The following LYPD8 variants were observed in gnomAD, a reference collection of about 807,000 sequenced individuals.
The protein encoded by LYPD8 is LY6/PLAUR domain containing 8.
A neutral mutation model predicts 1.7 loss-of-function variants in LYPD8; 8 were observed. The observed-to-expected ratio is 4.58, with a 90% CI of 2.69 to 8.27. The LOEUF is 8.27. Ranked by LOEUF, LYPD8 falls within the 30% of genes most tolerant of loss-of-function variation. The pLI is 0.00. For missense variants in LYPD8, 112 were observed against 102.3 expected (o/e 1.09, Z -0.41); for synonymous variants, 50 against 43.6 (o/e 1.15, Z -0.58).
At chr1:248,752,843 A>AT (rs1572156348) in intron 2 of LYPD8, among the ~76,000 whole-genome samples, 3 of 66,526 alleles carry the variant, frequency 4.5e-5, no homozygotes, top group African/African-American at 1.3e-4. Context: ...CACACCCCAC[A>AT]CACACACACC....
At chr1:248,746,403 G>A (rs1473634126) in intron 5 of LYPD8, among the ~76,000 whole-genome samples, 1 of 152,308 alleles carries the variant, frequency 6.6e-6, no homozygotes, top group African/African-American at 2.4e-5. Flanking sequence ...TGCCCCATTT[G>A]TTTCCTGTGT....
intron 6 of LYPD8, among the ~76,000 whole-genome samples, chr1:248,743,000 GC>G (rs1662643005): frequency 7.8e-6 from 1 of 128,328 alleles, no homozygotes; most frequent in African/African-American, 3.1e-5. Context: ...GGGAGGTTAC[GC>G]TCTGGTGGGG....
chr1:248,742,283 C>T (rs1480409412), intron 6 of LYPD8, among the ~76,000 whole-genome samples: 8 of 49,790 alleles, frequency 1.6e-4, no homozygotes, highest in Admixed American at 9.3e-4. Flanking sequence ...ATGTTGGCAG[C>T]GGGGGAGATT....
At chr1:248,742,224 C>T (rs868952059) in intron 6 of LYPD8, among the ~76,000 whole-genome samples, 1,985 of 53,868 alleles carry the variant, frequency 0.037, 124 homozygotes, top group African/African-American at 0.12. Context: ...GGGGAGATTA[C>T]GCTCTGGTGG....
At chr1:248,742,461 C>G (rs375364863) in intron 6 of LYPD8, among the ~76,000 whole-genome samples, 4 of 10,472 alleles carry the variant, frequency 3.8e-4, no homozygotes, top group East Asian at 2.7e-3. Flanking sequence ...TGTTGGCAGC[C>G]GGGGAGGTTA....
intron 2 of LYPD8, among the ~76,000 whole-genome samples, chr1:248,752,763 ACACACCC>A (rs1662827946): frequency 9.6e-6 from 1 of 103,752 alleles, no homozygotes. Context: ...CACACACACC[ACACACCC>A]CACACAACAC....
At chr1:248,753,289 ACACC>A (rs1662858909) in intron 2 of LYPD8, among the ~76,000 whole-genome samples, 3 of 109,860 alleles carry the variant, frequency 2.7e-5, no homozygotes, top group South Asian at 2.8e-4. Context: ...CAACACACAC[ACACC>A]ACACACACCA....
chr1:248,754,641 C>T (rs1662894137), intron 2 of LYPD8, among the ~76,000 whole-genome samples: 1 of 152,118 alleles, frequency 6.6e-6, no homozygotes, highest in African/African-American at 2.4e-5. Flanking sequence ...ACAAACACCA[C>T]ACACCCTACC....
rs1203791327 is a variant in LYPD8, at chr1:248,739,704, CGTG to C, written c.618_620del (p.Thr207del). On this transcript the variant is annotated inframe_deletion, in exon 7 of 7. Coordinates refer to ENST00000590317, the MANE Select transcript of LYPD8 (RefSeq NM_001085474.2). The surrounding 1 kb of genome is among the most constrained non-coding windows in gnomAD (Gnocchi z 4.3). ...CGTTGTGGGAAGTGGTTGGTGCAGA[CGTG>C]GGGGTTAAGCTGTTTACATTTGCAC... 1 of 1,551,556 alleles carries C rather than the reference CGTG, an allele frequency of 6.4e-7. No homozygotes were observed. The highest frequency in any genetic ancestry group is 1.4e-5 in the African/African-American group (1 of 73,040).
At chr1:248,746,581 C>A (rs1662729910) in intron 5 of LYPD8, among the ~76,000 whole-genome samples, 1 of 150,256 alleles carries the variant, frequency 6.7e-6, no homozygotes, top group African/African-American at 2.5e-5. Context: ...CCACCCAGGG[C>A]ATCGCCCGCA....
At chr1:248,752,784 CCACACA>C (rs1191415536) in intron 2 of LYPD8, among the ~76,000 whole-genome samples, 1 of 103,980 alleles carries the variant, frequency 9.6e-6, no homozygotes, top group African/African-American at 4.2e-5. Context: ...ACAACACACA[CCACACA>C]CACACCACAC....
In LYPD8 at chr1:248,748,343, A is replaced by G; in HGVS notation, c.283T>C (p.Phe95Leu). Residue 95 changes from phenylalanine to leucine, a missense_variant, in exon 5 of 7, where the codon TTT becomes CTT. Transcript: ENST00000590317. Reference sequence around the variant, plus strand: ...TTTCCTTGGCAGCACTGGCTTACAAAATGAAAGTGTTCTTCAGCAGACACG... The same window carrying G: ...TTTCCTTGGCAGCACTGGCTTACAAGATGAAAGTGTTCTTCAGCAGACACG... ...VHVSAEEHFH[F>L]VSQCCQGKEC... is the part of the protein sequence containing the mutation. 2 of 465,318 alleles carry G rather than the reference A, an allele frequency of 4.3e-6. No individual in the cohort carries two copies. The highest frequency in any genetic ancestry group is 7.5e-6 in the Non-Finnish European group (2 of 266,702). The allele number at this position is 465,318 out of a possible 1,614,324, so 28.8% of individuals were successfully genotyped here.
chr1:248,750,474 C>T (rs1558208116), intron 4 of LYPD8, 50 bp downstream of exon 4: 2 of 398,484 alleles, frequency 5.0e-6, no homozygotes, highest in South Asian at 1.3e-4. Flanking sequence ...CTCCAGCTCC[C>T]TCCCGGTGCA....
chr1:248,753,088 CTA>C (rs1275002451), intron 2 of LYPD8, among the ~76,000 whole-genome samples: 6,813 of 113,854 alleles, frequency 0.06, 398 homozygotes, highest in East Asian at 0.18. Context: ...CCACACCACA[CTA>C]CACACACACC....
chr1:248,742,529 G>GC (rs1260918576), intron 6 of LYPD8, among the ~76,000 whole-genome samples: 2 of 68,028 alleles, frequency 2.9e-5, no homozygotes, highest in Non-Finnish European at 5.3e-5. Context: ...GATGTTGGCA[G>GC]CGGGGAGATT....
intron 2 of LYPD8, among the ~76,000 whole-genome samples, chr1:248,753,975 C>T (rs1662883790): frequency 6.7e-6 from 1 of 149,160 alleles, no homozygotes; most frequent in Admixed American, 6.7e-5. Flanking sequence ...ATGACACACA[C>T]CACACACTCC....
At chr1:248,748,259 C>T (rs1283964347) in intron 5 of LYPD8, 30 bp downstream of exon 5, 3 of 411,994 alleles carry the variant, frequency 7.3e-6, no homozygotes, top group South Asian at 6.2e-5. Context: ...AGCACCCACC[C>T]AGGGCATCGC....
intron 2 of LYPD8, among the ~76,000 whole-genome samples, chr1:248,753,322 C>G (rs1662861092): frequency 1.1e-5 from 1 of 94,098 alleles, no homozygotes; most frequent in Non-Finnish European, 2.1e-5. Context: ...ACACAACACA[C>G]AACACATCAC....
At chr1:248,751,483 C>T (rs1425024559) in intron 2 of LYPD8, among the ~76,000 whole-genome samples, 6 of 152,128 alleles carry the variant, frequency 3.9e-5, no homozygotes, top group Non-Finnish European at 4.4e-5. Context: ...CCCTCCCCTC[C>T]CCCAGAGCAC....
Sources: gnomAD v4.1 joint callset for allele counts (sites outside exome capture counted in the v4.1 genomes callset) on GRCh38, gnomAD v4.1.1 for gene constraint, Gnocchi (gnomAD v3.1) non-coding constraint, MANE v1.5 for transcripts, NCBI Gene and HGNC (gene_info 2026-07-23, HGNC 2026-07-21) for gene names.